Variants in FAM193A observed in about 807,000 individuals in gnomAD.
The protein encoded by FAM193A is family with sequence similarity 193 member A, also known as protein FAM193A.
A neutral mutation model predicts 126.5 loss-of-function variants in FAM193A; 22 were observed. The ratio of observed to expected loss-of-function variants is 0.17; its 90% CI spans 0.12 to 0.25. The LOEUF (loss-of-function observed/expected upper bound fraction) is 0.25, where lower values mean the gene tolerates loss of function less well. FAM193A is among the 10% of genes least tolerant of loss of function. The pLI, the probability that FAM193A is intolerant of heterozygous loss-of-function variation, is 1.00. For missense variants in FAM193A, 1,675 were observed against 1,672.8 expected (o/e 1.00, Z -0.02); for synonymous variants, 761 against 646.8 (o/e 1.18, Z -2.68).
At chr4:2,602,742 G>C (rs1361393984) in intron 2 of FAM193A, among the ~76,000 whole-genome samples, 4 of 151,668 alleles carry the variant, frequency 2.6e-5, no homozygotes, top group Non-Finnish European at 5.9e-5. Context: ...CTCACTGCAA[G>C]CTCAGCCTCC....
chr4:2,714,157 C>T (rs2109364338), intron 19 of FAM193A, among the ~76,000 whole-genome samples: 1 of 152,272 alleles, frequency 6.6e-6, no homozygotes, highest in South Asian at 2.1e-4. Flanking sequence ...CTTAGATCTT[C>T]ACTTTTTGTA....
At chr4:2,570,052 A>G (rs967723917) in intron 1 of FAM193A, among the ~76,000 whole-genome samples, 2 of 138,890 alleles carry the variant, frequency 1.4e-5, no homozygotes, top group African/African-American at 6.0e-5. Flanking sequence ...AGGTTTTCAC[A>G]TCTAATAAGT....
In FAM193A at chr4:2,639,852, C is replaced by G; in HGVS notation, c.1156C>G (p.Gln386Glu). 1 of 1,613,728 alleles carries G rather than the reference C, an allele frequency of 6.2e-7. No homozygotes were observed. Among genetic ancestry groups the G allele is most frequent in the Non-Finnish European group, 8.5e-7 (1 of 1,179,846 alleles). Residue 386 changes from glutamine (Q) to glutamate (E), a missense_variant, in exon 6 of 21, where the codon CAG becomes GAG. Transcript: ENST00000637812. ...LQSNLPALVS[Q>E]IRLGTTTHDT... ...GAGCAACTTGCCCGCACTGGTGTCA[C>G]AGATCAGGTATTTTGCCTTAACCCG... is the stretch of plus-strand genomic sequence containing the variant.
intron 1 of FAM193A, among the ~76,000 whole-genome samples, chr4:2,549,342 C>G (rs766914905): frequency 6.6e-6 from 1 of 151,162 alleles, no homozygotes; most frequent in Non-Finnish European, 1.5e-5. Context: ...TCTAAGATCT[C>G]CATTTTAGCT....
At chr4:2,590,961 A>T (rs774796685) in intron 1 of FAM193A, among the ~76,000 whole-genome samples, 50 of 151,376 alleles carry the variant, frequency 3.3e-4, no homozygotes, top group Non-Finnish European at 6.5e-4. Context: ...TGGGAGGTGG[A>T]GGTTGCACTG....
intron 19 of FAM193A, among the ~76,000 whole-genome samples, chr4:2,701,902 A>G (rs984412456): frequency 1.3e-5 from 2 of 151,364 alleles, no homozygotes; most frequent in African/African-American, 4.9e-5. Flanking sequence ...TCAGCCTCTC[A>G]AGTAGCTGGG....
intron 2 of FAM193A, among the ~76,000 whole-genome samples, chr4:2,621,581 C>G (rs1306185310): frequency 6.6e-6 from 1 of 152,172 alleles, no homozygotes; most frequent in Non-Finnish European, 1.5e-5. Flanking sequence ...TGTGATCTCA[C>G]TCTGCTGCTG....
Position 2,693,867 on chromosome 4 carries a change from G to T in FAM193A, c.3085G>T (p.Val1029Phe). ...TGGCTCCATTAGCGCCCCTCCAAGT[G>T]TCTGCAGGTGAGCCAAGTCCTGACT... ...TDGSISAPPS[V>F]CSDPDCEGHR... is the part of the protein sequence containing the mutation. The change falls in exon 16 of 21, where the codon GTC becomes TTC. Residue 1029 changes from valine to phenylalanine, a missense_variant. Coordinates refer to ENST00000637812, the MANE Select transcript of FAM193A (RefSeq NM_001366318.2). 1 of 1,612,746 alleles carries T rather than the reference G, an allele frequency of 6.2e-7. No homozygotes were observed. Among genetic ancestry groups the T allele is most frequent in the Non-Finnish European group, 8.5e-7 (1 of 1,178,926 alleles).
chr4:2,723,471 A>T (rs528381792), intron 20 of FAM193A, among the ~76,000 whole-genome samples: 2 of 148,380 alleles, frequency 1.3e-5, no homozygotes, highest in South Asian at 4.3e-4. Flanking sequence ...GCTGCTCGGG[A>T]GGCTGAGGCA....
chr4:2,584,843 T>C (rs1455418181), intron 1 of FAM193A, among the ~76,000 whole-genome samples: 1 of 151,970 alleles, frequency 6.6e-6, no homozygotes, highest in African/African-American at 2.4e-5. Flanking sequence ...GAGAATTGCT[T>C]CAACCCAGGT....
chr4:2,641,396 C>T (rs554571244), intron 6 of FAM193A, among the ~76,000 whole-genome samples: 2 of 152,126 alleles, frequency 1.3e-5, no homozygotes, highest in South Asian at 2.1e-4. Flanking sequence ...CGGTGGCTCA[C>T]ACCTGTAATC....
At chr4:2,608,325 C>T (rs1474167239) in intron 2 of FAM193A, among the ~76,000 whole-genome samples, 5 of 151,956 alleles carry the variant, frequency 3.3e-5, no homozygotes, top group Non-Finnish European at 7.4e-5. Flanking sequence ...ACTACAGGTG[C>T]GCACCACCAT....
intron 12 of FAM193A, 23 bp from the exon 13 acceptor site, chr4:2,672,098 A>G (rs373468021): frequency 1.2e-5 from 19 of 1,610,252 alleles, no homozygotes; most frequent in Middle Eastern, 1.6e-4. Flanking sequence ...CTAAATAGGT[A>G]TGTTTTTTTT....
At chr4:2,650,273 A>G (rs1487661354) in intron 7 of FAM193A, among the ~76,000 whole-genome samples, 1 of 152,148 alleles carries the variant, frequency 6.6e-6, no homozygotes, top group Non-Finnish European at 1.5e-5. Flanking sequence ...CTGGTCCTAA[A>G]AAGGTTGGGG....
chr4:2,599,235 A>G (rs1741051276), intron 2 of FAM193A, among the ~76,000 whole-genome samples: 1 of 149,678 alleles, frequency 6.7e-6, no homozygotes, highest in African/African-American at 2.5e-5. Context: ...TTTTCTAACC[A>G]CTTTTATGGC....
chr4:2,562,792 G>C (rs1738703097), intron 1 of FAM193A, among the ~76,000 whole-genome samples: 1 of 151,954 alleles, frequency 6.6e-6, no homozygotes, highest in South Asian at 2.1e-4. Flanking sequence ...ACCATGCCCA[G>C]CTAATTTTTG....
At chr4:2,679,487 C>T (rs996666978) in intron 13 of FAM193A, among the ~76,000 whole-genome samples, 34 of 140,854 alleles carry the variant, frequency 2.4e-4, no homozygotes, top group African/African-American at 7.6e-4. Flanking sequence ...TCATGTGATT[C>T]TCCTGCCTCA....
chr4:2,604,366 T>A (rs1288457636), intron 2 of FAM193A, among the ~76,000 whole-genome samples: 1 of 152,170 alleles, frequency 6.6e-6, no homozygotes, highest in Non-Finnish European at 1.5e-5. Context: ...CTTAAATCCT[T>A]CTGTGTTTCC....
chr4:2,611,868 GCT>G (rs1316502385), intron 2 of FAM193A, among the ~76,000 whole-genome samples: 1 of 140,780 alleles, frequency 7.1e-6, no homozygotes, highest in Non-Finnish European at 1.5e-5. Context: ...ACAGTCTCTC[GCT>G]CTTTTGTCCA....
Sources: gnomAD v4.1 joint callset for allele counts (sites outside exome capture counted in the v4.1 genomes callset) on GRCh38, gnomAD v4.1.1 for gene constraint, MANE v1.5 for transcripts, NCBI Gene and HGNC (gene_info 2026-07-23, HGNC 2026-07-21) for gene names.